Variants in TENM2 observed in about 807,000 individuals in gnomAD.
TENM2 encodes teneurin-2.
TENM2 carries 52 observed loss-of-function variants against 245.2 expected under a neutral mutation model. The observed-to-expected ratio is 0.21, with a 90% CI of 0.17 to 0.27. TENM2 has a LOEUF of 0.27. Among genes scored for constraint, TENM2 ranks in the 10% least tolerant of loss-of-function variants. TENM2 has a pLI of 1.00. For synonymous variants in TENM2, 1,363 were observed against 1,438.9 expected, an observed-to-expected ratio of 0.95 and a Z score of 1.19; for missense variants, 3,046 against 3,666.8, an observed-to-expected ratio of 0.83 and a Z score of 4.37.
At chr5:168,008,974 C>A (rs1174438807) in intron 5 of TENM2, among the ~76,000 whole-genome samples, 5 of 152,174 alleles carry the variant, frequency 3.3e-5, no homozygotes, top group Non-Finnish European at 7.3e-5. Context: ...CTGAGGCATT[C>A]ACTTTGGATT....
chr5:168,251,734 G>T (rs1767131082), intron 27 of TENM2, among the ~76,000 whole-genome samples: 1 of 152,326 alleles, frequency 6.6e-6, no homozygotes, highest in Non-Finnish European at 1.5e-5. Flanking sequence ...GGAACACAAA[G>T]AACAGAACCT....
chr5:167,199,354 TA>T, the TENM2 span, among the ~76,000 whole-genome samples: 2 of 152,120 alleles, frequency 1.3e-5, no homozygotes, highest in African/African-American at 4.8e-5. Context: ...TACCTTCTTG[TA>T]ACTGGCATTC....
intron 2 of TENM2, among the ~76,000 whole-genome samples, chr5:167,841,695 G>T (rs1769532245): frequency 6.6e-6 from 1 of 152,030 alleles, no homozygotes; most frequent in Admixed American, 6.5e-5. Flanking sequence ...CTAGTCCTTG[G>T]TCTATATTCA....
the TENM2 span, among the ~76,000 whole-genome samples, chr5:167,151,612 G>A: frequency 2.6e-5 from 4 of 152,070 alleles, no homozygotes; most frequent in South Asian, 4.2e-4. Flanking sequence ...TCCACCTCCC[G>A]GGTTCATGCC....
intron 3 of TENM2, among the ~76,000 whole-genome samples, chr5:167,928,895 C>CA (rs767167658): frequency 0.1 from 2,138 of 21,372 alleles, 120 homozygotes; most frequent in African/African-American, 0.14. Context: ...GACCCTGGCT[C>CA]AAAAAAAAAA....
chr5:167,233,799 T>G, the TENM2 span, among the ~76,000 whole-genome samples: 1 of 152,176 alleles, frequency 6.6e-6, no homozygotes, highest in Admixed American at 6.5e-5. Context: ...AAGAAAATTA[T>G]GTCTAATTTT....
chr5:167,884,648 C>T (rs1024056875), intron 3 of TENM2, among the ~76,000 whole-genome samples: 96 of 152,278 alleles, frequency 6.3e-4, no homozygotes, highest in African/African-American at 2.2e-3. Context: ...TGTTTATTCA[C>T]TCCTCCCTTA....
chr5:168,065,983 G>A (rs1790469399), intron 7 of TENM2, among the ~76,000 whole-genome samples: 1 of 152,068 alleles, frequency 6.6e-6, no homozygotes, highest in African/African-American at 2.4e-5. Context: ...CACACTGTGA[G>A]GAGGTTGCTA....
intron 4 of TENM2, among the ~76,000 whole-genome samples, chr5:167,984,901 C>A (rs1004568407): frequency 6.6e-6 from 1 of 152,074 alleles, no homozygotes; most frequent in Non-Finnish European, 1.5e-5. Context: ...CAGGACCCTG[C>A]CCCTTGAATT....
intron 10 of TENM2, among the ~76,000 whole-genome samples, chr5:168,120,864 C>T (rs1009618378): frequency 3.3e-5 from 5 of 152,304 alleles, no homozygotes; most frequent in Middle Eastern, 3.4e-3. Flanking sequence ...GCCATCCCTT[C>T]GTTTTTCCTG....
At chr5:167,682,053 TCTTC>T (rs1288771851) in intron 2 of TENM2, among the ~76,000 whole-genome samples, 6 of 147,148 alleles carry the variant, frequency 4.1e-5, no homozygotes, top group Admixed American at 1.4e-4. Context: ...TCCTTCCCTT[TCTTC>T]CTTCCTTCCT....
chr5:167,346,985 G>A lies in TENM2; in HGVS notation c.227-28213G>A, dbSNP rs1170640796. ...GACAGGGTCTTGCCATGTTGCCCAG[G>A]CTGGTCTTAAACTCCCGAGCTGAAG... On this transcript the variant is annotated intron_variant, in intron 1 of 28. Transcript: ENST00000518659. 7.9e-5 allele frequency among the ~76,000 whole-genome samples: 12 copies of A among 152,004 alleles called. No individual in the cohort carries two copies. The East Asian group carries it at 2.3e-3, about 29-fold the overall frequency.
chr5:167,463,976 G>A (rs1766488333), intron 2 of TENM2, among the ~76,000 whole-genome samples: 1 of 152,184 alleles, frequency 6.6e-6, no homozygotes, highest in Admixed American at 6.5e-5. Flanking sequence ...AGAGCTCTGA[G>A]TTTGAGTCTC....
chr5:167,927,766 A>T (rs1777873970), intron 3 of TENM2, among the ~76,000 whole-genome samples: 1 of 152,258 alleles, frequency 6.6e-6, no homozygotes, highest in African/African-American at 2.4e-5. Context: ...GTGTCAGGAA[A>T]AAAACAGAGC....
At chr5:167,807,665 A>G (rs1369131946) in intron 2 of TENM2, among the ~76,000 whole-genome samples, 2 of 149,598 alleles carry the variant, frequency 1.3e-5, no homozygotes, top group African/African-American at 5.1e-5. Flanking sequence ...AAAATATGAC[A>G]TGTGTGACTT....
At chr5:168,262,240 G>A (rs758634865) in exon 29 of TENM2, 1 of 1,605,268 alleles carries the variant, frequency 6.2e-7, no homozygotes, top group South Asian at 1.1e-5. Flanking sequence ...CCACGGGCGT[G>A]TCCAGCATCG....
rs1031880191 is a variant in TENM2, at chr5:167,861,078, G to A, written c.503-14908G>A. Among the ~76,000 whole-genome samples the A allele has an allele frequency of 1.2e-4, 18 of 147,196 alleles. No individual in the cohort carries two copies. In the East Asian group the frequency reaches 2.8e-3, roughly 23 times the overall value. The stretch of plus-strand genomic sequence containing the variant: ...AAAAAAAAAAAAAAAAGAAAACAAC[G>A]TCAAAATAAATCCTTTCTCATTTTC... On this transcript the variant is annotated intron_variant, in intron 2 of 28. Transcript: ENST00000518659.
At chr5:167,759,318 A>C (rs933225188) in intron 2 of TENM2, among the ~76,000 whole-genome samples, 1 of 151,986 alleles carries the variant, frequency 6.6e-6, no homozygotes, top group African/African-American at 2.4e-5. Flanking sequence ...GAGGGTGTTA[A>C]ATGTTCATAA....
chr5:167,763,557 T>C (rs997159677), intron 2 of TENM2, among the ~76,000 whole-genome samples: 10 of 152,348 alleles, frequency 6.6e-5, no homozygotes, highest in Non-Finnish European at 1.5e-4. Context: ...AAAAAGATGC[T>C]GTTCACAGAC....
Sources: allele counts gnomAD v4.1 joint callset (sites outside exome capture counted in the v4.1 genomes callset), GRCh38; gene constraint gnomAD v4.1.1; transcripts MANE v1.5; gene names NCBI Gene and HGNC (gene_info 2026-07-23, HGNC 2026-07-21).